Variants in PARP8 observed in about 807,000 individuals in gnomAD.
PARP8 encodes poly(ADP-ribose) polymerase family member 8, also known as protein mono-ADP-ribosyltransferase PARP8.
A neutral mutation model predicts 124.1 loss-of-function variants in PARP8; 51 were observed. That is an observed-to-expected ratio of 0.41 (90% confidence interval 0.33 to 0.52). The LOEUF (loss-of-function observed/expected upper bound fraction) is 0.52. Ranked by LOEUF, PARP8 falls within the 20% of genes least tolerant of loss-of-function variation. The pLI, the probability that PARP8 is intolerant of heterozygous loss-of-function variation, is 0.21. For missense variants in PARP8, 860 were observed against 1,018.9 expected (o/e 0.84, Z 2.12); for synonymous variants, 391 against 361.5 (o/e 1.08, Z -0.93).
intron 2 of PARP8, among the ~76,000 whole-genome samples, chr5:50,705,793 G>T (rs1294207486): frequency 1.3e-5 from 2 of 152,048 alleles, no homozygotes; most frequent in African/African-American, 2.4e-5. Flanking sequence ...AAAAAAAAAG[G>T]GGGGTTGATG....
At chr5:50,668,725 G>T (rs1749656158) in intron 2 of PARP8, 1 of 152,218 alleles carries the variant, frequency 6.6e-6, no homozygotes, top group Non-Finnish European at 1.5e-5. Flanking sequence ...TGAACAACTT[G>T]AAACAAACCC....
chr5:50,805,197 A>T (rs1010073258), intron 14 of PARP8, among the ~76,000 whole-genome samples: 2 of 152,140 alleles, frequency 1.3e-5, no homozygotes, highest in African/African-American at 2.4e-5. Context: ...TCATTGTACC[A>T]TATCTGCATA....
intron 15 of PARP8, among the ~76,000 whole-genome samples, chr5:50,819,427 CTTTTTTTTTTTTTTTTTTT>C (rs34347134): frequency 2.1e-5 from 1 of 46,638 alleles, no homozygotes; most frequent in East Asian, 6.4e-4. Context: ...ATTTTATCTT[CTTTTTTTTTTTTTTTTTTT>C]TTTTTTTTTT....
chr5:50,724,603 C>A (rs942857461), intron 2 of PARP8, among the ~76,000 whole-genome samples: 16 of 152,022 alleles, frequency 1.1e-4, no homozygotes, highest in Non-Finnish European at 2.4e-4. Context: ...ACAATTTATT[C>A]TTTTATTAAG....
intron 2 of PARP8, among the ~76,000 whole-genome samples, chr5:50,677,473 T>A (rs1235285938): frequency 6.6e-6 from 1 of 152,204 alleles, no homozygotes. Context: ...AAATTCTTTC[T>A]TGATTTTTCT....
At chr5:50,726,679 C>G (rs1756463243) in intron 2 of PARP8, among the ~76,000 whole-genome samples, 6 of 152,144 alleles carry the variant, frequency 3.9e-5, no homozygotes, top group Admixed American at 3.3e-4. Context: ...TGTAGACTTG[C>G]TGGCTCCTGA....
rs2149447325 is a variant in PARP8 at position 50,682,408 on chromosome 5, T to G, written c.146+14283T>G. On this transcript the variant is annotated intron_variant, in intron 2 of 25. Transcript: ENST00000281631. ...TTTTGCCAAGCTAAATTTTAATGAATTCATTTGGACTTTTTTAAATCACTT... is the reference window on the plus strand; with the variant it reads ...TTTTGCCAAGCTAAATTTTAATGAAGTCATTTGGACTTTTTTAAATCACTT... 2.6e-5 allele frequency among the ~76,000 whole-genome samples: 4 copies of G among 152,004 alleles called. No homozygotes were observed. In the South Asian group the frequency reaches 8.3e-4, roughly 31 times the overall value.
chr5:50,780,283 C>T (rs1740523375), intron 9 of PARP8, among the ~76,000 whole-genome samples: 1 of 147,454 alleles, frequency 6.8e-6, no homozygotes, highest in South Asian at 2.1e-4. Context: ...ATATGGCTAA[C>T]TTTTTTCTTA....
intron 6 of PARP8, among the ~76,000 whole-genome samples, chr5:50,762,606 A>G (rs1470407373): frequency 6.6e-6 from 1 of 152,200 alleles, no homozygotes; most frequent in Non-Finnish European, 1.5e-5. Context: ...AATTATGTAA[A>G]AGAATGCAAG....
At chr5:50,771,107 A>C (rs59900589) in intron 7 of PARP8, among the ~76,000 whole-genome samples, 22,630 of 150,128 alleles carry the variant, frequency 0.15, 2,155 homozygotes, top group African/African-American at 0.27. Flanking sequence ...CTCTCTCTAT[A>C]TATATATATA....
At chr5:50,793,937 C>T (rs1742243786) in intron 10 of PARP8, among the ~76,000 whole-genome samples, 1 of 151,874 alleles carries the variant, frequency 6.6e-6, no homozygotes, top group Non-Finnish European at 1.5e-5. Flanking sequence ...TTTGAATTAT[C>T]ATATCCTGGT....
chr5:50,823,377 A>G (rs1745984317), intron 17 of PARP8, among the ~76,000 whole-genome samples: 1 of 152,230 alleles, frequency 6.6e-6, no homozygotes, highest in African/African-American at 2.4e-5. Context: ...ATATTCGTTC[A>G]TTCACTCAAT....
At position 50,826,077 on chromosome 5, in the gene PARP8, A is replaced by G. The variant is rs554208468; in HGVS notation, c.1929-678A>G. 3.9e-5 allele frequency among the ~76,000 whole-genome samples: 6 copies of G among 152,206 alleles called. 1 individual carries two copies. The highest frequency in any genetic ancestry group is 1.4e-4 in the African/African-American group (6 of 41,542). ...CAGATTGAAGGTAAAAATTGCATAT[A>G]TCTAGTTGCTTTCTTTTTTTCCTTG... On this transcript the variant is annotated intron_variant, in intron 18 of 25. Transcript: ENST00000281631.
chr5:50,788,562 G>T lies in PARP8; in HGVS notation c.710G>T (p.Arg237Leu). 6.2e-7 allele frequency: 1 copy of T among 1,613,284 alleles called. No individual in the cohort carries two copies. Among genetic ancestry groups the T allele is most frequent in the East Asian group, 2.2e-5 (1 of 44,828 alleles). The change falls in exon 10 of 26, where the codon CGA becomes CTA. Residue 237 changes from arginine (R) to leucine (L), a missense_variant. This residue lies in a region of PARP8 where 517 missense variants were observed against 544.2 expected (regional missense o/e 0.95). Coordinates refer to ENST00000281631, the MANE Select transcript of PARP8 (RefSeq NM_024615.4). ...GTCTTTCAGATTTCCACAAAAGAGCGATTTGGATTGGGACATCAGCTGAAA... is the reference window on the plus strand; with the variant it reads ...GTCTTTCAGATTTCCACAAAAGAGCTATTTGGATTGGGACATCAGCTGAAA... Reference protein sequence around the residue: ...VDVFQISTKERFGLGHQLKKI... With the variant: ...VDVFQISTKELFGLGHQLKKI...
At chr5:50,802,823 T>C (rs923698261) in intron 14 of PARP8, among the ~76,000 whole-genome samples, 2 of 152,234 alleles carry the variant, frequency 1.3e-5, no homozygotes, top group African/African-American at 4.8e-5. Context: ...TGTATCAATG[T>C]ATTATATCTA....
At chr5:50,755,313 G>A (rs1759804406) in intron 3 of PARP8, among the ~76,000 whole-genome samples, 4 of 152,048 alleles carry the variant, frequency 2.6e-5, no homozygotes, top group Admixed American at 2.6e-4. Context: ...TATGGTGTTA[G>A]GTCTAACATT....
intron 2 of PARP8, among the ~76,000 whole-genome samples, chr5:50,710,284 G>GT (rs1754641472): frequency 6.6e-6 from 1 of 151,778 alleles, no homozygotes; most frequent in South Asian, 2.1e-4. Flanking sequence ...TGCATGTCTG[G>GT]TTTAATCTGA....
intron 7 of PARP8, among the ~76,000 whole-genome samples, chr5:50,774,905 C>T (rs1391364372): frequency 6.8e-6 from 1 of 147,728 alleles, no homozygotes; most frequent in Non-Finnish European, 1.5e-5. Flanking sequence ...GGCAGAGGTG[C>T]TCCCCACTTC....
At chr5:50,822,483 A>C (rs984892162) in intron 17 of PARP8, 83 bp downstream of exon 17, 1 of 1,047,940 alleles carries the variant, frequency 9.5e-7, no homozygotes, top group African/African-American at 1.6e-5. Context: ...AGACTTCTCT[A>C]TAATACATAT....
Sources: allele counts gnomAD v4.1 joint callset (sites outside exome capture counted in the v4.1 genomes callset), GRCh38; gene constraint gnomAD v4.1.1; regional missense constraint gnomAD v4.1.1; transcripts MANE v1.5; gene names NCBI Gene and HGNC (gene_info 2026-07-23, HGNC 2026-07-21).